The following EPS15L1 variants were observed in gnomAD, a reference collection of about 807,000 sequenced individuals.
The protein encoded by EPS15L1 is epidermal growth factor receptor pathway substrate 15 like 1.
A neutral mutation model predicts 117.1 loss-of-function variants in EPS15L1; 43 were observed. The observed-to-expected ratio is 0.37, with a 90% CI of 0.29 to 0.47. The LOEUF is 0.47. Ranked by LOEUF, EPS15L1 falls within the 20% of genes least tolerant of loss-of-function variation. The pLI, the probability that EPS15L1 is intolerant of heterozygous loss-of-function variation, is 0.99. For synonymous variants in EPS15L1, 459 were observed against 470.5 expected, an observed-to-expected ratio of 0.98 and a Z score of 0.32; for missense variants, 981 against 1,164.0, an observed-to-expected ratio of 0.84 and a Z score of 2.29.
At chr19:16,394,755 G>A (rs2092521434) in intron 17 of EPS15L1, among the ~76,000 whole-genome samples, 1 of 152,152 alleles carries the variant, frequency 6.6e-6, no homozygotes, top group African/African-American at 2.4e-5. Context: ...TGTGAGGTGA[G>A]CAAGGAGGAA....
chr19:16,452,875 C>T (rs2093159879), intron 1 of EPS15L1, among the ~76,000 whole-genome samples: 1 of 152,058 alleles, frequency 6.6e-6, no homozygotes. Flanking sequence ...TGGCTCACTG[C>T]AAGCTCCGCC....
chr19:16,372,308 C>T (rs1035768828), intron 22 of EPS15L1, among the ~76,000 whole-genome samples: 3 of 152,248 alleles, frequency 2.0e-5, no homozygotes, highest in African/African-American at 4.8e-5. Context: ...TGCACCCACA[C>T]TGCATGCCAG....
Position 16,355,539 on chromosome 19 carries a change from G to A in EPS15L1, c.*166C>T. ...CTCTGTAAGGGCTTCCCCAGGAGATGTGACCTTTCCAGGTCTTGCAGCCGA... is the reference window on the plus strand; with the variant it reads ...CTCTGTAAGGGCTTCCCCAGGAGATATGACCTTTCCAGGTCTTGCAGCCGA... On this transcript the variant is annotated 3_prime_UTR_variant, in exon 24 of 24. Transcript: ENST00000455140. 2 of 856,490 alleles carry A rather than the reference G, an allele frequency of 2.3e-6. No homozygotes were observed. Among genetic ancestry groups the A allele is most frequent in the South Asian group, 1.9e-5 (1 of 53,850 alleles). 53.1% of individuals were successfully genotyped at this position (856,490 alleles called of 1,614,324 possible). A position where few individuals can be genotyped will look rare whatever the true frequency, so the allele number is the denominator to read the frequency against.
intron 1 of EPS15L1, among the ~76,000 whole-genome samples, chr19:16,454,813 T>C: frequency 6.7e-6 from 1 of 149,746 alleles, no homozygotes; most frequent in South Asian, 2.1e-4. Context: ...GAAAGCTTTC[T>C]TTTTTCTTTT....
At chr19:16,418,810 G>A (rs571687287) in intron 10 of EPS15L1, among the ~76,000 whole-genome samples, 6 of 152,294 alleles carry the variant, frequency 3.9e-5, no homozygotes, top group Admixed American at 2.6e-4. Context: ...GTGAGGACAC[G>A]GCAAGCAGGT....
chr19:16,434,583 A>G, intron 6 of EPS15L1, 93 bp from the exon 7 acceptor site: 1 of 1,369,316 alleles, frequency 7.3e-7, no homozygotes, highest in Non-Finnish European at 1.0e-6. Flanking sequence ...GAAAATGGCC[A>G]CGGACCCATC....
At chr19:16,419,193 C>T (rs2092790570) in intron 10 of EPS15L1, among the ~76,000 whole-genome samples, 2 of 152,236 alleles carry the variant, frequency 1.3e-5, no homozygotes, top group African/African-American at 2.4e-5. Flanking sequence ...GGTGCAATGG[C>T]TCATGCCTGT....
At chr19:16,459,295 C>T (rs1489398473) in intron 1 of EPS15L1, among the ~76,000 whole-genome samples, 1 of 152,192 alleles carries the variant, frequency 6.6e-6, no homozygotes, top group East Asian at 1.9e-4. Context: ...TGCCTCCACA[C>T]TCCCATAGCC....
intron 1 of EPS15L1, among the ~76,000 whole-genome samples, chr19:16,467,520 AAAC>A (rs948664892): frequency 2.0e-5 from 3 of 149,926 alleles, no homozygotes; most frequent in Non-Finnish European, 3.0e-5. Flanking sequence ...TTAGTCGAAA[AAAC>A]AACAACAACA....
intron 3 of EPS15L1, 80 bp from the exon 4 acceptor site, chr19:16,440,989 C>G: frequency 7.3e-7 from 1 of 1,371,210 alleles, no homozygotes; most frequent in Non-Finnish European, 1.0e-6. Context: ...CCGCCACCAC[C>G]CCATCACTGG....
intron 10 of EPS15L1, among the ~76,000 whole-genome samples, chr19:16,419,246 G>A (rs1229982025): frequency 6.6e-6 from 1 of 152,206 alleles, no homozygotes; most frequent in Non-Finnish European, 1.5e-5. Flanking sequence ...ATCACCTGAG[G>A]TCAGGAGTTC....
chr19:16,385,810 C>A (rs759996791), intron 20 of EPS15L1, among the ~76,000 whole-genome samples: 2 of 152,200 alleles, frequency 1.3e-5, no homozygotes, highest in Non-Finnish European at 2.9e-5. Context: ...AAACACAGAA[C>A]CCACAACATA....
At chr19:16,430,490 C>G (rs2092916664) in intron 7 of EPS15L1, among the ~76,000 whole-genome samples, 1 of 152,354 alleles carries the variant, frequency 6.6e-6, no homozygotes, top group Non-Finnish European at 1.5e-5. Context: ...GGGTGTGAGA[C>G]ACAGTCCTTA....
At chr19:16,463,238 C>T (rs1208104104) in intron 1 of EPS15L1, among the ~76,000 whole-genome samples, 1 of 152,176 alleles carries the variant, frequency 6.6e-6, no homozygotes, top group African/African-American at 2.4e-5. Flanking sequence ...CAGGCTCTGC[C>T]CACCAGGCAC....
intron 16 of EPS15L1, among the ~76,000 whole-genome samples, chr19:16,396,037 G>A (rs2092537342): frequency 6.6e-6 from 1 of 152,092 alleles, no homozygotes; most frequent in African/African-American, 2.4e-5. Context: ...AACCCAGGAG[G>A]TGGAGGTTAC....
intron 1 of EPS15L1, among the ~76,000 whole-genome samples, chr19:16,465,095 T>A (rs1276183584): frequency 1.3e-5 from 2 of 148,612 alleles, no homozygotes; most frequent in African/African-American, 2.5e-5. Flanking sequence ...AAAAAAAAAA[T>A]TCACAAGAAA....
intron 5 of EPS15L1, 115 bp downstream of exon 5, chr19:16,437,655 A>G (rs2092991298): frequency 1.3e-6 from 1 of 742,804 alleles, no homozygotes; most frequent in Non-Finnish European, 2.3e-6. Context: ...CACCACAATA[A>G]AAGGGGAAGG....
At chr19:16,414,182 G>T (rs1205979589) in intron 12 of EPS15L1, among the ~76,000 whole-genome samples, 1 of 152,164 alleles carries the variant, frequency 6.6e-6, no homozygotes, top group African/African-American at 2.4e-5. Flanking sequence ...ACGTGAGGGG[G>T]AACAGGGGCA....
At chr19:16,407,513 A>C (rs934146879) in intron 13 of EPS15L1, among the ~76,000 whole-genome samples, 1 of 151,900 alleles carries the variant, frequency 6.6e-6, no homozygotes, top group African/African-American at 2.4e-5. Context: ...TTTAGTATAG[A>C]CTGGGTTTCA....
Sources: gnomAD v4.1 joint callset for allele counts (sites outside exome capture counted in the v4.1 genomes callset) on GRCh38, gnomAD v4.1.1 for gene constraint, MANE v1.5 for transcripts, NCBI Gene and HGNC (gene_info 2026-07-23, HGNC 2026-07-21) for gene names.